Variants in PRRT4 observed in about 807,000 individuals in gnomAD.
PRRT4 encodes the protein proline-rich transmembrane protein 4.
PRRT4 carries 59 observed loss-of-function variants against 55.6 expected under a neutral mutation model. That is an observed-to-expected ratio of 1.06 (90% CI 0.86 to 1.32). The LOEUF is 1.32. Ranked by LOEUF, PRRT4 falls within the 40% of genes most tolerant of loss-of-function variation. PRRT4 has a pLI of 0.00. For missense variants in PRRT4, 1,217 were observed against 1,222.0 expected (o/e 1.00, Z 0.06); for synonymous variants, 606 against 601.8 (o/e 1.01, Z -0.10).
In PRRT4 at chr7:128,359,878, G is replaced by T. The variant is rs374252539; in HGVS notation, c.114C>A (p.Thr38=). Residue 38 remains threonine, a synonymous_variant, in exon 2 of 5, where the codon ACC becomes ACA. Coordinates refer to ENST00000535159, the Ensembl canonical transcript of PRRT4. ...TAGAGGCCTCACTTTGAGGTACGGG[G>T]GTCAAAGTGGTGGCAGGGGCACCTG... 3.6e-3 allele frequency: 5,278 copies of T among 1,470,940 alleles called. 19 individuals are homozygous for T. The highest frequency in any genetic ancestry group is 3.8e-3 in the Non-Finnish European group (4,213 of 1,107,030). The allele number at this position is 1,470,940 out of a possible 1,614,324, so 91.1% of individuals were successfully genotyped here. A position where few individuals can be genotyped will look rare whatever the true frequency, so the allele number is the denominator to read the frequency against.
exon 5 of PRRT4, chr7:128,350,991 C>T: frequency 6.4e-7 from 1 of 1,550,814 alleles, no homozygotes; most frequent in Non-Finnish European, 8.7e-7. Context: ...AGGGTGGGGA[C>T]AGGGCCTGGT....
chr7:128,351,110 T>C, exon 5 of PRRT4: 1 of 1,548,338 alleles, frequency 6.5e-7, no homozygotes, highest in Non-Finnish European at 8.7e-7. Flanking sequence ...CACAGCAGCA[T>C]GGACGAGCTG....
chr7:128,351,865 G>A (rs955014491), exon 5 of PRRT4: 4 of 1,334,646 alleles, frequency 3.0e-6, no homozygotes, highest in African/African-American at 1.5e-5. Flanking sequence ...GAAGGTGCCC[G>A]CCACCGGGGC....
At chr7:128,357,344 A>G (rs1183897945) in intron 4 of PRRT4, among the ~76,000 whole-genome samples, 3 of 151,958 alleles carry the variant, frequency 2.0e-5, no homozygotes, top group Non-Finnish European at 4.4e-5. Context: ...GAGGTGCAGT[A>G]TCAGGGGCTG....
At chr7:128,351,546 C>A in exon 5 of PRRT4, 1 of 1,483,084 alleles carries the variant, frequency 6.7e-7, no homozygotes, top group Middle Eastern at 2.0e-4. Context: ...GCTCCGCGTC[C>A]CCGCGAGCGA....
intron 4 of PRRT4, among the ~76,000 whole-genome samples, chr7:128,354,799 G>C (rs556531757): frequency 6.6e-6 from 1 of 152,268 alleles, no homozygotes; most frequent in African/African-American, 2.4e-5. Context: ...CCAACTGCAA[G>C]TGGCAGCATG....
chr7:128,352,410 C>T (rs1436808872), exon 5 of PRRT4: 27 of 1,536,824 alleles, frequency 1.8e-5, no homozygotes, highest in South Asian at 2.4e-5. Flanking sequence ...CCAGAGCCAG[C>T]AGCGCCAGCA....
downstream of PRRT4, chr7:128,350,797 C>G (rs573169333): frequency 1.4e-4 from 215 of 1,535,202 alleles, no homozygotes; most frequent in Non-Finnish European, 1.7e-4. Context: ...GTGTGCAGGT[C>G]TCGGGCAGGG....
At chr7:128,360,003 G>T in exon 2 of PRRT4, 7 of 1,305,636 alleles carry the variant, frequency 5.4e-6, no homozygotes, top group Non-Finnish European at 6.9e-6. Context: ...GCCCCACCTG[G>T]CTTCGGGTGG....
At chr7:128,361,099 T>TCACA (rs1259634582) in intron 1 of PRRT4, among the ~76,000 whole-genome samples, 22 of 127,548 alleles carry the variant, frequency 1.7e-4, no homozygotes, top group Middle Eastern at 4.0e-3. Context: ...TCTCTCTCTC[T>TCACA]CTCTCACACA....
At chr7:128,356,307 C>T (rs927034137) in intron 4 of PRRT4, among the ~76,000 whole-genome samples, 25 of 151,784 alleles carry the variant, frequency 1.6e-4, no homozygotes, top group Non-Finnish European at 3.1e-4. Flanking sequence ...GGAATAAAAA[C>T]CAGATAATAG....
At chr7:128,350,672 G>C (rs536408402), downstream of PRRT4, 1 of 896,622 alleles carries the variant, frequency 1.1e-6, no homozygotes, top group Non-Finnish European at 1.6e-6. Flanking sequence ...CAGAGAAGGT[G>C]GCACTGATTC....
Position 128,361,099 on chromosome 7 carries a change from TCTCTCACACACACA to T in PRRT4, c.-73+448_-73+461del, listed in dbSNP as rs1271120560. 2.7e-3 allele frequency among the ~76,000 whole-genome samples: 346 copies of T among 127,528 alleles called. 4 individuals carry two copies. The highest frequency in any genetic ancestry group is 0.011 in the African/African-American group (315 of 29,544). The allele number at this position is 127,528 out of a possible 152,430, so 83.7% of individuals were successfully genotyped here. ...CTGTCTCTCTCTCTCTCTCTCTCTCTCTCTCACACACACACACACACACACACACACACACACAC... is the reference window on the plus strand; with the variant it reads ...CTGTCTCTCTCTCTCTCTCTCTCTCTCACACACACACACACACACACACAC... On this transcript the variant is annotated intron_variant, in intron 1 of 4. Coordinates refer to ENST00000535159, the Ensembl canonical transcript of PRRT4.
intron 1 of PRRT4, chr7:128,361,324 C>G (rs949519718): frequency 6.6e-6 from 1 of 152,146 alleles, no homozygotes; most frequent in African/African-American, 2.4e-5. Context: ...CGGGGTCTCT[C>G]CCGCAGGCAG....
intron 4 of PRRT4, among the ~76,000 whole-genome samples, chr7:128,353,842 T>G (rs561323465): frequency 2.0e-4 from 30 of 152,268 alleles, no homozygotes; most frequent in African/African-American, 7.2e-4. Context: ...CATCCTGTGC[T>G]CCAATACCTT....
chr7:128,358,894 T>A lies in PRRT4; in HGVS notation c.758-94A>T. On this transcript the variant is annotated intron_variant, in intron 3 of 4. Coordinates refer to ENST00000535159, the Ensembl canonical transcript of PRRT4. This position sits in a 1 kb window ranked among gnomAD's most constrained non-coding sequence, Gnocchi z 4.4. ...AAATTATGTCCTTCCCCAGAGTTTG[T>A]CCTAAGGAAGTCACTGTCCCAGGAA... The A allele has an allele frequency of 6.8e-7, 1 of 1,463,048 alleles. No homozygotes were observed. The highest frequency in any genetic ancestry group is 9.0e-7 in the Non-Finnish European group (1 of 1,109,494). The allele number at this position is 1,463,048 out of a possible 1,614,324, so 90.6% of individuals were successfully genotyped here.
chr7:128,352,948 C>T (rs559638086), intron 4 of PRRT4, among the ~76,000 whole-genome samples: 5 of 152,106 alleles, frequency 3.3e-5, no homozygotes, highest in Admixed American at 6.5e-5. Flanking sequence ...CCCTGCTTGG[C>T]TTGTTTGTGA....
At position 128,358,675 on chromosome 7, in the gene PRRT4, A is replaced by G. The variant is rs541196688; in HGVS notation, c.877+6T>C. 6.4e-7 allele frequency: 1 copy of G among 1,551,566 alleles called. No homozygotes were observed. The highest frequency in any genetic ancestry group is 1.4e-5 in the African/African-American group (1 of 73,188). ...ATTGTCAAGTTCAAATGAATTGGAT[A>G]CTTACCTAATGATGTTGTTGCAATC... On this transcript the variant is annotated splice_donor_region_variant and intron_variant, in intron 4 of 4. Transcript: ENST00000535159. This position sits in a 1 kb window ranked among gnomAD's most constrained non-coding sequence, Gnocchi z 4.4.
exon 5 of PRRT4, chr7:128,351,186 G>A (rs1265456145): frequency 7.1e-6 from 11 of 1,542,816 alleles, no homozygotes; most frequent in Non-Finnish European, 9.6e-6. Flanking sequence ...CCCCAGGGGA[G>A]GGGAGCTCCG....
Sources: allele counts gnomAD v4.1 joint callset (sites outside exome capture counted in the v4.1 genomes callset), GRCh38; gene constraint gnomAD v4.1.1; non-coding constraint Gnocchi (gnomAD v3.1); transcripts MANE v1.5; gene names NCBI Gene and HGNC (gene_info 2026-07-23, HGNC 2026-07-21).